SCRG1: variants seen among roughly 807,000 people sequenced by gnomAD.
SCRG1 encodes the protein stimulator of chondrogenesis 1, also known as scrapie-responsive protein 1.
A neutral mutation model predicts 7.7 loss-of-function variants in SCRG1; 3 were observed. That is an observed-to-expected ratio of 0.39 (90% CI 0.18 to 1.01). The LOEUF (loss-of-function observed/expected upper bound fraction) is 1.01. Ranked by LOEUF, SCRG1 falls within the 50% of genes least tolerant of loss-of-function variation. The probability of loss-of-function intolerance (pLI) is 0.36; values close to 1 mark genes in which losing one functional copy is unlikely to be tolerated. For missense variants in SCRG1, 110 were observed against 117.2 expected, an observed-to-expected ratio of 0.94 and a Z score of 0.28; for synonymous variants, 46 against 41.2, an observed-to-expected ratio of 1.12 and a Z score of -0.44.
chr4:173,403,880 G>A (rs755423421), upstream of SCRG1, among the ~76,000 whole-genome samples: 4 of 152,118 alleles, frequency 2.6e-5, no homozygotes, highest in Non-Finnish European at 5.9e-5. Context: ...GTGTGTCAAC[G>A]TGTATTCTTT....
At chr4:173,434,050 G>A in the SCRG1 span, among the ~76,000 whole-genome samples, 5 of 152,240 alleles carry the variant, frequency 3.3e-5, no homozygotes, top group East Asian at 9.7e-4. Context: ...AAAATACCTA[G>A]TGTGGTGTCC....
the SCRG1 span, among the ~76,000 whole-genome samples, chr4:173,439,214 C>T: frequency 6.6e-6 from 1 of 152,104 alleles, no homozygotes; most frequent in African/African-American, 2.4e-5. Flanking sequence ...GTCAGGAATA[C>T]CCATTTAAAT....
chr4:173,394,659 AATT>A (rs140272900), intron 1 of SCRG1, among the ~76,000 whole-genome samples: 57,597 of 150,918 alleles, frequency 0.38, 12,898 homozygotes, highest in East Asian at 0.55. Context: ...AAAAAATTAT[AATT>A]ATAAGTCTGT....
chr4:173,495,721 C>G, the SCRG1 span, among the ~76,000 whole-genome samples: 1 of 152,296 alleles, frequency 6.6e-6, no homozygotes, highest in Middle Eastern at 3.4e-3. Flanking sequence ...AGAACCAAAG[C>G]CATGTATTCA....
At chr4:173,439,500 G>C in the SCRG1 span, among the ~76,000 whole-genome samples, 1 of 121,722 alleles carries the variant, frequency 8.2e-6, no homozygotes, top group Admixed American at 9.5e-5. Flanking sequence ...GGGCAACAGA[G>C]AGAGACCCTG....
At chr4:173,447,693 T>C in the SCRG1 span, among the ~76,000 whole-genome samples, 2 of 152,194 alleles carry the variant, frequency 1.3e-5, no homozygotes, top group African/African-American at 4.8e-5. Flanking sequence ...GTTTCCAATT[T>C]TAGTATAAGT....
chr4:173,483,960 A>G, the SCRG1 span, among the ~76,000 whole-genome samples: 1 of 32,318 alleles, frequency 3.1e-5, no homozygotes, highest in Non-Finnish European at 8.0e-5. Flanking sequence ...ATAATATATT[A>G]TATATTTTAT....
At chr4:173,471,671 C>A in the SCRG1 span, among the ~76,000 whole-genome samples, 12 of 152,090 alleles carry the variant, frequency 7.9e-5, no homozygotes, top group East Asian at 2.1e-3. Flanking sequence ...TATGTGCATA[C>A]CCATCCCAGG....
the SCRG1 span, among the ~76,000 whole-genome samples, chr4:173,482,882 GTTATATA>G: frequency 1.5e-5 from 2 of 134,678 alleles, no homozygotes; most frequent in East Asian, 4.2e-4. Flanking sequence ...TTTTTTATAT[GTTATATA>G]TTATATATAA....
At chr4:173,465,281 G>T in the SCRG1 span, among the ~76,000 whole-genome samples, 137 of 152,212 alleles carry the variant, frequency 9.0e-4, no homozygotes, top group African/African-American at 3.2e-3. Flanking sequence ...GTGTATGTGC[G>T]TGTGCATGCA....
chr4:173,518,932 A>G, the SCRG1 span, among the ~76,000 whole-genome samples: 4 of 148,428 alleles, frequency 2.7e-5, no homozygotes, highest in Non-Finnish European at 5.9e-5. Context: ...GCTTCCCGAG[A>G]TACGCTAGAG....
chr4:173,410,811 A>G (rs1432212641), upstream of SCRG1, among the ~76,000 whole-genome samples: 1 of 152,234 alleles, frequency 6.6e-6, no homozygotes, highest in Non-Finnish European at 1.5e-5. Flanking sequence ...ACTGGACTCT[A>G]AGGAACACTT....
chr4:173,492,952 C>A, the SCRG1 span, among the ~76,000 whole-genome samples: 5 of 152,182 alleles, frequency 3.3e-5, no homozygotes, highest in African/African-American at 1.2e-4. Context: ...CAAACACACT[C>A]TTCTACAGGG....
the SCRG1 span, among the ~76,000 whole-genome samples, chr4:173,411,472 A>C: frequency 6.6e-6 from 1 of 152,236 alleles, no homozygotes; most frequent in East Asian, 1.9e-4. Flanking sequence ...TCGGGGTTAC[A>C]ACCATCTCAA....
chr4:173,483,120 T>C, the SCRG1 span, among the ~76,000 whole-genome samples: 102 of 74,718 alleles, frequency 1.4e-3, 1 homozygote, highest in African/African-American at 4.7e-3. Flanking sequence ...ATATTTTATA[T>C]ATAATGTATA....
At chr4:173,435,310 G>A in the SCRG1 span, among the ~76,000 whole-genome samples, 1 of 152,146 alleles carries the variant, frequency 6.6e-6, no homozygotes, top group South Asian at 2.1e-4. Context: ...CTAGGAGACT[G>A]ATTTTTGAAG....
chr4:173,475,813 AGTAT>A, the SCRG1 span, among the ~76,000 whole-genome samples: 1 of 152,226 alleles, frequency 6.6e-6, no homozygotes, highest in African/African-American at 2.4e-5. Context: ...TTTTGAAGAT[AGTAT>A]GTTAGTGAAA....
the SCRG1 span, among the ~76,000 whole-genome samples, chr4:173,428,252 A>C: frequency 3.9e-5 from 6 of 152,252 alleles, no homozygotes; most frequent in Admixed American, 1.3e-4. Context: ...AATTCATGTC[A>C]GAAATAGTCA....
chr4:173,494,736 A>G, the SCRG1 span, among the ~76,000 whole-genome samples: 2 of 152,246 alleles, frequency 1.3e-5, no homozygotes, highest in Admixed American at 1.3e-4. Context: ...AAGAGACGCA[A>G]TTACCCTTCT....
Sources: gnomAD v4.1 joint callset for allele counts (sites outside exome capture counted in the v4.1 genomes callset) on GRCh38, gnomAD v4.1.1 for gene constraint, MANE v1.5 for transcripts, NCBI Gene and HGNC (gene_info 2026-07-23, HGNC 2026-07-21) for gene names.